The following PPM1L variants were observed in gnomAD, a reference collection of about 807,000 sequenced individuals.
PPM1L encodes protein phosphatase, Mg2+/Mn2+ dependent 1L.
PPM1L carries 13 observed loss-of-function variants against 31.4 expected under a neutral mutation model. That is an observed-to-expected ratio of 0.41 (90% confidence interval 0.27 to 0.66). The LOEUF (loss-of-function observed/expected upper bound fraction) is 0.66. Among genes scored for constraint, PPM1L ranks in the 30% least tolerant of loss-of-function variants. The pLI, the probability that PPM1L is intolerant of heterozygous loss-of-function variation, is 0.29. For synonymous variants in PPM1L, 184 were observed against 175.4 expected, an observed-to-expected ratio of 1.05 and a Z score of -0.39; for missense variants, 326 against 453.7, an observed-to-expected ratio of 0.72 and a Z score of 2.56.
chr3:161,010,032 C>A (rs1576780635), intron 2 of PPM1L, among the ~76,000 whole-genome samples: 1 of 151,990 alleles, frequency 6.6e-6, no homozygotes, highest in Admixed American at 6.6e-5. Context: ...ACTTTAAGTT[C>A]TAGGGTACAT....
At chr3:160,916,889 T>A (rs1216063564) in intron 1 of PPM1L, among the ~76,000 whole-genome samples, 1 of 152,170 alleles carries the variant, frequency 6.6e-6, no homozygotes, top group African/African-American at 2.4e-5. Context: ...AATTTAAAAG[T>A]AACTTAGAAA....
chr3:160,943,140 A>G (rs1187972429), intron 1 of PPM1L, among the ~76,000 whole-genome samples: 5 of 152,168 alleles, frequency 3.3e-5, no homozygotes, highest in Non-Finnish European at 5.9e-5. Context: ...TTATCTGCCA[A>G]TGGAGGAGAA....
chr3:160,917,020 A>T (rs902667176), intron 1 of PPM1L, among the ~76,000 whole-genome samples: 1 of 152,234 alleles, frequency 6.6e-6, no homozygotes, highest in Admixed American at 6.5e-5. Context: ...CTGGGGAAGA[A>T]CACAGGCACT....
intron 2 of PPM1L, among the ~76,000 whole-genome samples, chr3:160,972,652 A>G (rs1385698656): frequency 5.3e-5 from 8 of 152,306 alleles, no homozygotes; most frequent in Middle Eastern, 3.4e-3. Flanking sequence ...TAATGCTGCA[A>G]TAAACATACA....
intron 1 of PPM1L, among the ~76,000 whole-genome samples, chr3:160,856,343 G>C (rs1253010228): frequency 6.6e-6 from 1 of 152,140 alleles, no homozygotes; most frequent in Admixed American, 6.5e-5. Context: ...ACCGTTCGAA[G>C]ATACATGCAT....
chr3:160,986,830 G>A (rs1373161677), intron 2 of PPM1L, among the ~76,000 whole-genome samples: 1 of 152,140 alleles, frequency 6.6e-6, no homozygotes, highest in Non-Finnish European at 1.5e-5. Context: ...TAGAGTTGCT[G>A]CCAAATCTTG....
chr3:161,029,267 C>T (rs2108078453), intron 2 of PPM1L, among the ~76,000 whole-genome samples: 1 of 152,280 alleles, frequency 6.6e-6, no homozygotes, highest in East Asian at 1.9e-4. Context: ...ACAGAAAGAG[C>T]CAGACTTAGT....
chr3:160,786,187 G>GTATATATA (rs1190262298), intron 1 of PPM1L, among the ~76,000 whole-genome samples: 1 of 39,450 alleles, frequency 2.5e-5, no homozygotes, highest in Non-Finnish European at 3.6e-5. Flanking sequence ...GTGTGTGTGT[G>GTATATATA]TATATATATA....
chr3:160,825,306 ATAT>A (rs1713320971), intron 1 of PPM1L, among the ~76,000 whole-genome samples: 1 of 152,166 alleles, frequency 6.6e-6, no homozygotes, highest in Admixed American at 6.6e-5. Context: ...ATTATTAATA[ATAT>A]TAACAAATTG....
chr3:160,945,137 CTATCTATCTATCTA>C (rs1715366105), intron 1 of PPM1L, among the ~76,000 whole-genome samples: 1 of 119,632 alleles, frequency 8.4e-6, no homozygotes, highest in Non-Finnish European at 1.7e-5. Context: ...ATCTATCTAT[CTATCTATCTATCTA>C]TCTCCACTGA....
At chr3:160,899,569 G>A (rs1162861419) in intron 1 of PPM1L, among the ~76,000 whole-genome samples, 1 of 132,728 alleles carries the variant, frequency 7.5e-6, no homozygotes, top group Non-Finnish European at 1.6e-5. Flanking sequence ...CTTCACTTAG[G>A]TTTGGATGTA....
intron 2 of PPM1L, among the ~76,000 whole-genome samples, chr3:160,969,042 C>T (rs1716241115): frequency 6.6e-6 from 1 of 152,202 alleles, no homozygotes; most frequent in Non-Finnish European, 1.5e-5. Context: ...GCTCAGCTGG[C>T]TGTTTCTTGT....
At chr3:160,968,528 C>T (rs892679470) in intron 2 of PPM1L, among the ~76,000 whole-genome samples, 1 of 152,116 alleles carries the variant, frequency 6.6e-6, no homozygotes, top group African/African-American at 2.4e-5. Flanking sequence ...TATTTTTATG[C>T]TGGAGTATTA....
intron 2 of PPM1L, among the ~76,000 whole-genome samples, chr3:160,972,740 G>C (rs536325671): frequency 6.6e-6 from 1 of 152,176 alleles, no homozygotes; most frequent in African/African-American, 2.4e-5. Context: ...GGGTCAAATG[G>C]TATTTCTAGT....
At chr3:160,822,647 A>G (rs535014108) in intron 1 of PPM1L, among the ~76,000 whole-genome samples, 4 of 152,234 alleles carry the variant, frequency 2.6e-5, no homozygotes, top group African/African-American at 9.6e-5. Flanking sequence ...CATGAGCGAT[A>G]TAGATTAGAA....
intron 1 of PPM1L, among the ~76,000 whole-genome samples, chr3:160,830,714 A>T (rs1191331056): frequency 6.6e-6 from 1 of 152,200 alleles, no homozygotes; most frequent in African/African-American, 2.4e-5. Flanking sequence ...CTATGACCTA[A>T]AAATTGTACT....
At chr3:160,973,764 GTTTTTTTTTTTT>G (rs75599237) in intron 2 of PPM1L, among the ~76,000 whole-genome samples, 18 of 88,476 alleles carry the variant, frequency 2.0e-4, no homozygotes, top group Middle Eastern at 7.2e-3. Flanking sequence ...GAAAGGCCCT[GTTTTTTTTTTTT>G]TTTTTTTTTT....
chr3:160,802,060 G>C (rs1469514307), intron 1 of PPM1L, among the ~76,000 whole-genome samples: 1 of 152,060 alleles, frequency 6.6e-6, no homozygotes, highest in East Asian at 1.9e-4. Flanking sequence ...TGGCTACGTC[G>C]GGTTCTGCCC....
At chr3:160,858,284 T>C (rs1182960365) in intron 1 of PPM1L, among the ~76,000 whole-genome samples, 1 of 152,204 alleles carries the variant, frequency 6.6e-6, no homozygotes, top group Non-Finnish European at 1.5e-5. Flanking sequence ...TCTCGCTCTG[T>C]CATCCAGGCT....
Sources: gnomAD v4.1 joint callset for allele counts (sites outside exome capture counted in the v4.1 genomes callset) on GRCh38, gnomAD v4.1.1 for gene constraint, MANE v1.5 for transcripts, NCBI Gene and HGNC (gene_info 2026-07-23, HGNC 2026-07-21) for gene names.